NINL: variants seen among roughly 807,000 people sequenced by gnomAD.
NINL encodes the protein ninein-like protein.
Under a neutral mutation model 160.3 loss-of-function variants are expected in NINL, and 153 were observed. The observed-to-expected ratio is 0.95, with a 90% CI of 0.84 to 1.09. NINL has a LOEUF of 1.09. NINL is among the 50% of genes least tolerant of loss of function. The pLI is 0.00. For missense variants in NINL, 1,829 were observed against 1,764.0 expected, an observed-to-expected ratio of 1.04 and a Z score of -0.66; for synonymous variants, 800 against 734.8, an observed-to-expected ratio of 1.09 and a Z score of -1.43.
rs144087780 is a variant in NINL, at chr20:25,554,611, C to G, written c.-11-28013G>C. 7.4e-3 allele frequency among the ~76,000 whole-genome samples: 932 copies of G among 125,504 alleles called. 13 individuals are homozygous for G. Among genetic ancestry groups the G allele is most frequent in the Non-Finnish European group, 9.5e-3 (595 of 62,366 alleles). 82.3% of individuals were successfully genotyped at this position (125,504 alleles called of 152,430 possible). A position where few individuals can be genotyped will look rare whatever the true frequency, so the allele number is the denominator to read the frequency against. On this transcript the variant is annotated intron_variant, in intron 1 of 23. Coordinates refer to ENST00000278886, the MANE Select transcript of NINL (RefSeq NM_025176.6). Reference sequence around the variant, plus strand: ...ACCAGCATGAGCAACATAGTAAGAACCCTGTTCTTTACCAAAAAAAAAAAC... The same window carrying G: ...ACCAGCATGAGCAACATAGTAAGAAGCCTGTTCTTTACCAAAAAAAAAAAC...
chr20:25,480,400 G>A (rs980419874), intron 14 of NINL, 133 bp from the exon 15 acceptor site: 45 of 672,440 alleles, frequency 6.7e-5, no homozygotes, highest in African/African-American at 2.8e-4. Context: ...ATGACGCTGC[G>A]TCCTTAAAGT....
intron 1 of NINL, among the ~76,000 whole-genome samples, chr20:25,547,786 A>G (rs923122264): frequency 3.3e-5 from 5 of 152,182 alleles, no homozygotes; most frequent in Non-Finnish European, 5.9e-5. Context: ...GGGGAACACA[A>G]CTTGGCCCAC....
At chr20:25,547,924 AAAG>A (rs2064755788) in intron 1 of NINL, among the ~76,000 whole-genome samples, 1 of 152,230 alleles carries the variant, frequency 6.6e-6, no homozygotes, top group East Asian at 1.9e-4. Context: ...GCATTTCCCA[AAAG>A]AAGATTCATT....
chr20:25,572,626 G>A (rs1036436175), intron 1 of NINL, among the ~76,000 whole-genome samples: 4 of 152,082 alleles, frequency 2.6e-5, no homozygotes, highest in Non-Finnish European at 5.9e-5. Flanking sequence ...GAGTGATAAC[G>A]CCAGAGTTGG....
chr20:25,467,380 A>C lies in NINL; in HGVS notation c.3423+9T>G, dbSNP rs774798995. 1 of 1,605,740 alleles carries C rather than the reference A, an allele frequency of 6.2e-7. No homozygotes were observed. Among genetic ancestry groups the C allele is most frequent in the Admixed American group, 1.7e-5 (1 of 60,020 alleles). On this transcript the variant is annotated intron_variant, in intron 19 of 23. Transcript: ENST00000278886. Reference sequence around the variant, plus strand: ...GGCATGAGCTCCATGCCAGGCGTCGATACGTCACCTGTCTGTTGAGCACCT... The same window carrying C: ...GGCATGAGCTCCATGCCAGGCGTCGCTACGTCACCTGTCTGTTGAGCACCT...
chr20:25,530,181 G>A (rs1374777087), intron 1 of NINL, among the ~76,000 whole-genome samples: 2 of 152,162 alleles, frequency 1.3e-5, no homozygotes, highest in East Asian at 3.8e-4. Context: ...TCACTGCTTG[G>A]AACACAGGCT....
At chr20:25,493,419 G>T (rs1223820277) in intron 10 of NINL, among the ~76,000 whole-genome samples, 1 of 152,100 alleles carries the variant, frequency 6.6e-6, no homozygotes. Flanking sequence ...AGAGGTGGAC[G>T]AACCGAGCTT....
At chr20:25,461,694 T>C in intron 20 of NINL, 59 bp from the exon 21 acceptor site, 1 of 1,184,606 alleles carries the variant, frequency 8.4e-7, no homozygotes, top group East Asian at 2.4e-5. Context: ...TGGTATGTAA[T>C]TCGTGCAAAA....
At chr20:25,463,456 T>C (rs1699467213) in intron 19 of NINL, among the ~76,000 whole-genome samples, 1 of 152,180 alleles carries the variant, frequency 6.6e-6, no homozygotes, top group Admixed American at 6.5e-5. Flanking sequence ...TTGCTTTTTC[T>C]CAATAGCACC....
chr20:25,512,952 C>A lies in NINL; in HGVS notation c.332G>T (p.Arg111Leu), dbSNP rs754853839. 3.7e-6 allele frequency: 6 copies of A among 1,614,032 alleles called. No homozygotes were observed. The highest frequency in any genetic ancestry group is 4.2e-6 in the Non-Finnish European group (5 of 1,179,910). The change falls in exon 4 of 24, where the codon CGT becomes CTT. Residue 111 changes from arginine (R) to leucine (L), a missense_variant. Arg to Leu is a moderately radical substitution (Grantham distance 102). Coordinates refer to ENST00000278886, the MANE Select transcript of NINL (RefSeq NM_025176.6). ...KYVNGSKWYGRRSRPELCDAA... is the reference protein window; with the variant it reads ...KYVNGSKWYGLRSRPELCDAA... ...GTCACATAGCTCAGGCCGGCTCCGA[C>A]GGCCATACCACTTAGAACCATTCAC... is the stretch of plus-strand genomic sequence containing the variant.
At chr20:25,492,751 TATC>T (rs1456756818) in intron 10 of NINL, among the ~76,000 whole-genome samples, 1 of 152,092 alleles carries the variant, frequency 6.6e-6, no homozygotes, top group Non-Finnish European at 1.5e-5. Context: ...CACAACATGG[TATC>T]ATTTTTTTAA....
intron 1 of NINL, among the ~76,000 whole-genome samples, chr20:25,557,973 A>AC (rs1215622407): frequency 1.6e-5 from 1 of 62,484 alleles, no homozygotes; most frequent in Non-Finnish European, 3.4e-5. Flanking sequence ...TACTAAAAAT[A>AC]CAAAAAAAAA....
intron 2 of NINL, among the ~76,000 whole-genome samples, chr20:25,523,606 T>C (rs553887443): frequency 9.2e-5 from 14 of 152,100 alleles, no homozygotes; most frequent in South Asian, 2.1e-4. Flanking sequence ...ATATCATATA[T>C]GATAGTTACT....
At chr20:25,489,082 C>G in intron 13 of NINL, 162 bp downstream of exon 13, 1 of 692,444 alleles carries the variant, frequency 1.4e-6, no homozygotes, top group Non-Finnish European at 2.6e-6. Context: ...CAACGAGAGC[C>G]AGGGAACCCT....
intron 23 of NINL, among the ~76,000 whole-genome samples, chr20:25,454,726 A>G (rs2090623654): frequency 6.6e-6 from 1 of 152,066 alleles, no homozygotes; most frequent in Admixed American, 6.6e-5. Flanking sequence ...CGTGGGGTCC[A>G]CCCACACCCT....
chr20:25,472,537 C>CT (rs113318349), intron 17 of NINL, among the ~76,000 whole-genome samples: 4,457 of 126,842 alleles, frequency 0.035, 118 homozygotes, highest in African/African-American at 0.079. Context: ...GAAAATATTT[C>CT]TTTTTTTTTT....
At chr20:25,562,901 C>T (rs1369062155) in intron 1 of NINL, among the ~76,000 whole-genome samples, 1 of 152,176 alleles carries the variant, frequency 6.6e-6, no homozygotes, top group Non-Finnish European at 1.5e-5. Context: ...GGCATGATGG[C>T]TCACACCTGT....
rs1025635634 is a variant in NINL, at chr20:25,584,082, C to T, written c.-12+1373G>A. On this transcript the variant is annotated intron_variant, in intron 1 of 23. Transcript: ENST00000278886. ...CGGGTTGATAGGTGCAGCAAACCAT[C>T]ATGGCACATGTATACCCATGTAACA... Among the ~76,000 whole-genome samples, 7 of 152,310 alleles carry T rather than the reference C, an allele frequency of 4.6e-5. No individual in the cohort carries two copies. In the South Asian group the frequency reaches 1.5e-3, roughly 32 times the overall value.
Position 25,512,945 on chromosome 20 carries a change from G to T in NINL, c.339C>A (p.Ser113Arg), listed in dbSNP as rs1280928396. ...TGGCAGCGTCACATAGCTCAGGCCG[G>T]CTCCGACGGCCATACCACTTAGAAC... ...VNGSKWYGRR[S>R]RPELCDAATE... is the part of the protein sequence containing the mutation. The change falls in exon 4 of 24, where the codon AGC becomes AGA. Residue 113 changes from serine (S) to arginine (R), a missense_variant. Physicochemically the swap from Ser to Arg is moderately radical, Grantham distance 110. Coordinates refer to ENST00000278886, the MANE Select transcript of NINL (RefSeq NM_025176.6). The T allele has an allele frequency of 6.2e-7, 1 of 1,613,958 alleles. No homozygotes were observed. Among genetic ancestry groups the T allele is most frequent in the African/African-American group, 1.3e-5 (1 of 74,940 alleles).
Sources: gnomAD v4.1 joint callset for allele counts (sites outside exome capture counted in the v4.1 genomes callset) on GRCh38, gnomAD v4.1.1 for gene constraint, MANE v1.5 for transcripts, NCBI Gene and HGNC (gene_info 2026-07-23, HGNC 2026-07-21) for gene names.